The following FOXK1 variants were observed in gnomAD, a reference collection of about 807,000 sequenced individuals.
The protein encoded by FOXK1 is forkhead box protein K1.
Under a neutral mutation model 51.9 loss-of-function variants are expected in FOXK1, and 19 were observed. The observed-to-expected ratio is 0.37, with a 90% CI of 0.26 to 0.54. The LOEUF is 0.54. Among genes scored for constraint, FOXK1 ranks in the 20% least tolerant of loss-of-function variants. The probability of loss-of-function intolerance (pLI) is 0.87; values close to 1 mark genes in which losing one functional copy is unlikely to be tolerated. For missense variants in FOXK1, 870 were observed against 1,032.7 expected (o/e 0.84, Z 2.16); for synonymous variants, 537 against 482.6 (o/e 1.11, Z -1.48).
At position 4,758,953 on chromosome 7, in the gene FOXK1, G is replaced by A. The variant is rs1476485977; in HGVS notation, c.1245-98G>A. The A allele has an allele frequency of 1.5e-5, 20 of 1,317,188 alleles. No homozygotes were observed. The highest frequency in any genetic ancestry group is 3.0e-5 in the African/African-American group (2 of 67,688). The allele number at this position is 1,317,188 out of a possible 1,614,324, so 81.6% of individuals were successfully genotyped here. A position where few individuals can be genotyped will look rare whatever the true frequency, so the allele number is the denominator to read the frequency against. ...AGGACAGAGACGAGCTCCAGGGAGC[G>A]TGGGCGGGTGACGGCGCTGAGATGC... On this transcript the variant is annotated intron_variant, in intron 5 of 8. Transcript: ENST00000328914. This position sits in a 1 kb window ranked among gnomAD's most constrained non-coding sequence, Gnocchi z 4.4.
chr7:4,755,137 A>G lies in FOXK1; in HGVS notation c.904-100A>G, dbSNP rs1780829754. On this transcript the variant is annotated intron_variant, in intron 3 of 8. Transcript: ENST00000328914. The surrounding 1 kb of genome is among the most constrained non-coding windows in gnomAD (Gnocchi z 6.6). ...GGACGGGTGCCGGCAAGACGCGCAC[A>G]TTCTCGTGGGAAGGTTCCTCCCCAT... 1 of 1,479,752 alleles carries G rather than the reference A, an allele frequency of 6.8e-7. No homozygotes were observed. The highest frequency in any genetic ancestry group is 1.3e-5 in the South Asian group (1 of 79,266). The allele number at this position is 1,479,752 out of a possible 1,614,324, so 91.7% of individuals were successfully genotyped here. A position where few individuals can be genotyped will look rare whatever the true frequency, so the allele number is the denominator to read the frequency against.
chr7:4,683,430 C>T lies in FOXK1; in HGVS notation c.560+562C>T, dbSNP rs895410544. Among the ~76,000 whole-genome samples the T allele has an allele frequency of 6.6e-6, 1 of 151,958 alleles. No homozygotes were observed. The highest frequency in any genetic ancestry group is 1.5e-5 in the Non-Finnish European group (1 of 67,952). On this transcript the variant is annotated intron_variant, in intron 1 of 8. Transcript: ENST00000328914. This position sits in a 1 kb window ranked among gnomAD's most constrained non-coding sequence, Gnocchi z 4.5. The stretch of plus-strand genomic sequence containing the variant: ...CCGCGACCCCCACTTCCTAGGCCCC[C>T]CCGGAGTCACCCCTGACCGCTAACC...
intron 2 of FOXK1, among the ~76,000 whole-genome samples, chr7:4,751,209 C>T (rs569019999): frequency 1.9e-4 from 29 of 151,292 alleles, no homozygotes; most frequent in Non-Finnish European, 3.2e-4. Flanking sequence ...TTAGTAGAGA[C>T]GGGGTTTCAC....
In FOXK1 at chr7:4,745,300, C is replaced by G. The variant is rs977420791; in HGVS notation, c.746+4277C>G. Among the ~76,000 whole-genome samples, 12 of 152,194 alleles carry G rather than the reference C, an allele frequency of 7.9e-5. No individual in the cohort carries two copies. Among genetic ancestry groups the G allele is most frequent in the African/African-American group, 2.9e-4 (12 of 41,456 alleles). On this transcript the variant is annotated intron_variant, in intron 2 of 8. Transcript: ENST00000328914. The surrounding 1 kb of genome is among the most constrained non-coding windows in gnomAD (Gnocchi z 4.3). ...TGTAGGCCGGGCTCGCCCAGGGCCC[C>G]TCATTCCCAGGAGTCGGGAGTGGCT...
chr7:4,706,753 T>C (rs1423322322), intron 1 of FOXK1, among the ~76,000 whole-genome samples: 1 of 152,238 alleles, frequency 6.6e-6, no homozygotes, highest in Non-Finnish European at 1.5e-5. Context: ...TCGAAAGCTA[T>C]GTGAATGAGG....
chr7:4,745,523 C>T lies in FOXK1; in HGVS notation c.746+4500C>T, dbSNP rs921041081. Among the ~76,000 whole-genome samples the T allele has an allele frequency of 6.6e-6, 1 of 152,014 alleles. No individual in the cohort carries two copies. Among genetic ancestry groups the T allele is most frequent in the Admixed American group, 6.6e-5 (1 of 15,248 alleles). ...TATTTTTTTCTGCCCTGAAGTACTC[C>T]ACCCAGAAAATGAATGAACTCTCTT... On this transcript the variant is annotated intron_variant, in intron 2 of 8. Coordinates refer to ENST00000328914, the MANE Select transcript of FOXK1 (RefSeq NM_001037165.2). The surrounding 1 kb of genome is among the most constrained non-coding windows in gnomAD (Gnocchi z 4.3).
chr7:4,768,252 C>T lies in FOXK1; in HGVS notation c.*5788C>T, dbSNP rs1781044994. The T allele has an allele frequency of 6.9e-6, 1 of 145,294 alleles. No individual in the cohort carries two copies. The highest frequency in any genetic ancestry group is 1.5e-5 in the Non-Finnish European group (1 of 67,526). The allele number at this position is 145,294 out of a possible 1,614,324, so 9.0% of individuals were successfully genotyped here. A position where few individuals can be genotyped will look rare whatever the true frequency, so the allele number is the denominator to read the frequency against. On this transcript the variant is annotated 3_prime_UTR_variant, in exon 9 of 9. Coordinates refer to ENST00000328914, the MANE Select transcript of FOXK1 (RefSeq NM_001037165.2). Reference sequence around the variant, plus strand: ...GGTTCACGCCATTCTCCTGCCTCAGCCTCCCGAGTAGCTGGGACTACAGGC... The same window carrying T: ...GGTTCACGCCATTCTCCTGCCTCAGTCTCCCGAGTAGCTGGGACTACAGGC...
intron 1 of FOXK1, among the ~76,000 whole-genome samples, chr7:4,727,222 G>T (rs2115052142): frequency 6.6e-6 from 1 of 152,322 alleles, no homozygotes; most frequent in Non-Finnish European, 1.5e-5. Context: ...AAAGTGTTGG[G>T]ATTACAGGCG....
rs577358800 is a variant in FOXK1 at position 4,722,353 on chromosome 7, T to C, written c.561-18485T>C. 5.9e-5 allele frequency among the ~76,000 whole-genome samples: 9 copies of C among 152,372 alleles called. No homozygotes were observed. The South Asian group carries it at 1.4e-3, about 25-fold the overall frequency. ...CCCAGATTCCCATTGTTGCCTCTTA[T>C]GTACTTTGGTCGTTCGTATTTCCTA... On this transcript the variant is annotated intron_variant, in intron 1 of 8. Transcript: ENST00000328914. This position sits in a 1 kb window ranked among gnomAD's most constrained non-coding sequence, Gnocchi z 5.1.
intron 2 of FOXK1, 73 bp downstream of exon 2, chr7:4,741,096 A>G (rs1307669679): frequency 8.2e-6 from 9 of 1,094,726 alleles, no homozygotes; most frequent in Non-Finnish European, 1.1e-5. Context: ...TGTCGTACGC[A>G]GCACCGGGTT....
chr7:4,728,932 G>A (rs901712342), intron 1 of FOXK1, among the ~76,000 whole-genome samples: 1 of 152,108 alleles, frequency 6.6e-6, no homozygotes, highest in Non-Finnish European at 1.5e-5. Context: ...TAATGACTAC[G>A]TGGAATTACT....
At chr7:4,708,446 G>C (rs1033035795) in intron 1 of FOXK1, among the ~76,000 whole-genome samples, 2 of 152,204 alleles carry the variant, frequency 1.3e-5, no homozygotes, top group Non-Finnish European at 2.9e-5. Context: ...ACTTCCTTGG[G>C]AAAGGTTGAT....
Position 4,731,437 on chromosome 7 carries a change from A to G in FOXK1, c.561-9401A>G, listed in dbSNP as rs1459701253. Among the ~76,000 whole-genome samples, 1 of 152,300 alleles carries G rather than the reference A, an allele frequency of 6.6e-6. No individual in the cohort carries two copies. The highest frequency in any genetic ancestry group is 1.9e-4 in the East Asian group (1 of 5,184). ...TTGAGTCTTTCATTTCTTCAAGGAC[A>G]TGGTAGCAACATTTAAAGAACCTTT... On this transcript the variant is annotated intron_variant, in intron 1 of 8. Coordinates refer to ENST00000328914, the MANE Select transcript of FOXK1 (RefSeq NM_001037165.2). The surrounding 1 kb of genome is among the most constrained non-coding windows in gnomAD (Gnocchi z 5.3).
In FOXK1 at chr7:4,754,680, C is replaced by T. The variant is rs1010167656; in HGVS notation, c.903+65C>T. 103 of 1,537,046 alleles carry T rather than the reference C, an allele frequency of 6.7e-5. 1 individual carries two copies. In the African/African-American group the frequency reaches 1.2e-3, roughly 18 times the overall value. On this transcript the variant is annotated intron_variant, in intron 3 of 8. Transcript: ENST00000328914. ...AGGATCGGGCCATAGTGACCCGGCG[C>T]GGGCGGCACAGACAGCCCAGGGCCT... is the stretch of plus-strand genomic sequence containing the variant.
intron 1 of FOXK1, among the ~76,000 whole-genome samples, chr7:4,708,159 C>T (rs569486173): frequency 3.3e-5 from 5 of 152,090 alleles, no homozygotes; most frequent in African/African-American, 7.2e-5. Flanking sequence ...TTGAAGGGCC[C>T]GAGTCTTCCA....
At chr7:4,710,302 T>G (rs1236332201) in intron 1 of FOXK1, among the ~76,000 whole-genome samples, 4 of 152,180 alleles carry the variant, frequency 2.6e-5, no homozygotes, top group African/African-American at 9.6e-5. Flanking sequence ...TCCCAGCACC[T>G]TGGGAGGCTA....
chr7:4,737,382 GTCA>G (rs1780566253), intron 1 of FOXK1, among the ~76,000 whole-genome samples: 1 of 152,238 alleles, frequency 6.6e-6, no homozygotes, highest in Non-Finnish European at 1.5e-5. Flanking sequence ...TTAAACATTT[GTCA>G]TCATGACTGC....
rs983277735 is a variant in FOXK1 at position 4,735,152 on chromosome 7, G to A, written c.561-5686G>A. Among the ~76,000 whole-genome samples, 4 of 152,124 alleles carry A rather than the reference G, an allele frequency of 2.6e-5. No homozygotes were observed. Among genetic ancestry groups the A allele is most frequent in the African/African-American group, 9.7e-5 (4 of 41,418 alleles). ...CACTCGGGCTCAGCACTGGTGGAGC[G>A]GTGGCCAGTTCCAGCTCGCTGTGTA... On this transcript the variant is annotated intron_variant, in intron 1 of 8. Coordinates refer to ENST00000328914, the MANE Select transcript of FOXK1 (RefSeq NM_001037165.2). This position sits in a 1 kb window ranked among gnomAD's most constrained non-coding sequence, Gnocchi z 4.7.
Position 4,734,420 on chromosome 7 carries a change from T to A in FOXK1, c.561-6418T>A, listed in dbSNP as rs889143118. Among the ~76,000 whole-genome samples the A allele has an allele frequency of 2.0e-5, 3 of 151,880 alleles. No homozygotes were observed. The highest frequency in any genetic ancestry group is 6.6e-5 in the Admixed American group (1 of 15,240). Reference sequence around the variant, plus strand: ...AGGGCCCGCTCCCTCCTTGGGAGGATGAGATGCTCTGTGGCTTCCACCACT... The same window carrying A: ...AGGGCCCGCTCCCTCCTTGGGAGGAAGAGATGCTCTGTGGCTTCCACCACT... On this transcript the variant is annotated intron_variant, in intron 1 of 8. Coordinates refer to ENST00000328914, the MANE Select transcript of FOXK1 (RefSeq NM_001037165.2). The surrounding 1 kb of genome is among the most constrained non-coding windows in gnomAD (Gnocchi z 5.2).
Sources: gnomAD v4.1 joint callset for allele counts (sites outside exome capture counted in the v4.1 genomes callset) on GRCh38, gnomAD v4.1.1 for gene constraint, Gnocchi (gnomAD v3.1) non-coding constraint, MANE v1.5 for transcripts, NCBI Gene and HGNC (gene_info 2026-07-23, HGNC 2026-07-21) for gene names.